Variants in ARHGAP24 observed in about 807,000 individuals in gnomAD.
The protein encoded by ARHGAP24 is rho GTPase-activating protein 24.
ARHGAP24 carries 50 observed loss-of-function variants against 76.4 expected under a neutral mutation model. The observed-to-expected ratio is 0.65, with a 90% confidence interval of 0.52 to 0.83. The LOEUF (loss-of-function observed/expected upper bound fraction) is 0.83. Ranked by LOEUF, ARHGAP24 falls within the 40% of genes least tolerant of loss-of-function variation. The pLI is 0.00. For missense variants in ARHGAP24, 930 were observed against 914.2 expected (o/e 1.02, Z -0.22); for synonymous variants, 345 against 323.3 (o/e 1.07, Z -0.72).
At chr4:85,798,693 A>T (rs1728462780) in intron 3 of ARHGAP24, among the ~76,000 whole-genome samples, 1 of 152,212 alleles carries the variant, frequency 6.6e-6, no homozygotes, top group Admixed American at 6.5e-5. Flanking sequence ...AAATTTTTGT[A>T]CTATTTTTGC....
Position 85,525,491 on chromosome 4 carries a change from A to C in ARHGAP24, c.-20-45031A>C, listed in dbSNP as rs1724951779. 1.3e-5 allele frequency among the ~76,000 whole-genome samples: 2 copies of C among 152,168 alleles called. 1 individual carries two copies. Among genetic ancestry groups the C allele is most frequent in the South Asian group, 4.1e-4 (2 of 4,830 alleles). On this transcript the variant is annotated intron_variant, in intron 1 of 9. Coordinates refer to ENST00000395184, the MANE Select transcript of ARHGAP24 (RefSeq NM_001025616.3). ...CAGTTCTGATGAGTTTTATAAAAAAAAAAAGTAAGCATGGAAAGTCACTAA... is the reference window on the plus strand; with the variant it reads ...CAGTTCTGATGAGTTTTATAAAAAACAAAAGTAAGCATGGAAAGTCACTAA...
intron 3 of ARHGAP24, among the ~76,000 whole-genome samples, chr4:85,861,275 T>C (rs959531214): frequency 2.6e-5 from 4 of 152,160 alleles, no homozygotes; most frequent in African/African-American, 9.6e-5. Flanking sequence ...ATTTACATTC[T>C]GGTGATCACC....
chr4:85,981,061 T>C (rs758528017), intron 8 of ARHGAP24, among the ~76,000 whole-genome samples: 28 of 152,204 alleles, frequency 1.8e-4, no homozygotes, highest in Non-Finnish European at 3.8e-4. Context: ...CATATTAGGG[T>C]GCAGAGACGG....
chr4:85,694,872 T>C (rs955575263), intron 2 of ARHGAP24, among the ~76,000 whole-genome samples: 3 of 152,234 alleles, frequency 2.0e-5, no homozygotes, highest in Non-Finnish European at 4.4e-5. Flanking sequence ...CGCTCTTGTC[T>C]TAAATAAAAC....
rs564276651 is a variant in ARHGAP24 at position 85,721,981 on chromosome 4, T to C, written c.268+9T>C. On this transcript the variant is annotated intron_variant, in intron 3 of 9. Coordinates refer to ENST00000395184, the MANE Select transcript of ARHGAP24 (RefSeq NM_001025616.3). The stretch of plus-strand genomic sequence containing the variant: ...TTTTGAAGTAGTTCCAGGTAAGATA[T>C]TTTCCTAGTCTGATTAAATTATTGT... The C allele has an allele frequency of 6.2e-7, 1 of 1,608,650 alleles. No homozygotes were observed. Among genetic ancestry groups the C allele is most frequent in the South Asian group, 1.1e-5 (1 of 90,948 alleles).
intron 2 of ARHGAP24, among the ~76,000 whole-genome samples, chr4:85,647,225 C>T (rs1005864896): frequency 1.3e-5 from 2 of 151,936 alleles, no homozygotes; most frequent in Admixed American, 6.6e-5. Context: ...TAGTAGACAT[C>T]GTCATAGTTG....
intron 2 of ARHGAP24, among the ~76,000 whole-genome samples, chr4:85,640,076 T>C (rs1039891907): frequency 6.6e-6 from 1 of 152,084 alleles, no homozygotes; most frequent in African/African-American, 2.4e-5. Context: ...CCCTGGAGCA[T>C]GTTTTTCAAA....
chr4:85,610,451 CAAAAAAAAAAAAAAA>C (rs57348830), intron 2 of ARHGAP24, among the ~76,000 whole-genome samples: 4 of 51,212 alleles, frequency 7.8e-5, no homozygotes, highest in Non-Finnish European at 1.3e-4. Flanking sequence ...ACTCCATCTA[CAAAAAAAAAAAAAAA>C]AAAAAAAAAA....
At position 85,656,873 on chromosome 4, in the gene ARHGAP24, G is replaced by A. The variant is rs113193282; in HGVS notation, c.181-65012G>A. ...GCTATCATATGGGTCACACTGTAGT[G>A]GCTTTACTAACAGTGTTGTTTAACT... On this transcript the variant is annotated intron_variant, in intron 2 of 9. Transcript: ENST00000395184. 8.0e-3 allele frequency among the ~76,000 whole-genome samples: 1,223 copies of A among 152,112 alleles called. 16 individuals carry two copies. The highest frequency in any genetic ancestry group is 0.028 in the African/African-American group (1,167 of 41,492).
At chr4:85,958,484 A>G (rs1009406073) in intron 5 of ARHGAP24, among the ~76,000 whole-genome samples, 7 of 152,206 alleles carry the variant, frequency 4.6e-5, no homozygotes, top group East Asian at 3.9e-4. Flanking sequence ...ACTCTTCAGT[A>G]TGTTTAATCC....
At chr4:85,860,135 G>A (rs1396448858) in intron 3 of ARHGAP24, among the ~76,000 whole-genome samples, 1 of 152,042 alleles carries the variant, frequency 6.6e-6, no homozygotes, top group Admixed American at 6.6e-5. Context: ...CACGGGAAGT[G>A]TATTAATATG....
At chr4:85,608,704 C>T (rs1311805557) in intron 2 of ARHGAP24, among the ~76,000 whole-genome samples, 1 of 151,634 alleles carries the variant, frequency 6.6e-6, no homozygotes, top group African/African-American at 2.4e-5. Flanking sequence ...ATTATAGGTG[C>T]GTGCCACCCT....
chr4:85,971,979 A>G, intron 5 of ARHGAP24, 57 bp from the exon 6 acceptor site: 1 of 1,613,182 alleles, frequency 6.2e-7, no homozygotes, highest in Non-Finnish European at 8.5e-7. Context: ...GAAAAACAAT[A>G]AATAGAATGG....
intron 3 of ARHGAP24, among the ~76,000 whole-genome samples, chr4:85,897,657 T>C (rs1336538664): frequency 1.3e-5 from 2 of 152,252 alleles, no homozygotes; most frequent in Admixed American, 6.5e-5. Flanking sequence ...ATGGCTCTCA[T>C]ATTGCTGCCT....
chr4:85,984,508 C>A (rs186257415), intron 8 of ARHGAP24, among the ~76,000 whole-genome samples: 175 of 152,240 alleles, frequency 1.1e-3, no homozygotes, highest in Admixed American at 1.9e-3. Flanking sequence ...GCTGCCATGA[C>A]CTTGTTATCT....
chr4:85,786,361 C>A (rs951642017), intron 3 of ARHGAP24, among the ~76,000 whole-genome samples: 1 of 152,166 alleles, frequency 6.6e-6, no homozygotes, highest in African/African-American at 2.4e-5. Context: ...GGAATAACAT[C>A]TTAGAAATCC....
intron 3 of ARHGAP24, among the ~76,000 whole-genome samples, chr4:85,754,177 G>C (rs994630277): frequency 2.0e-5 from 3 of 152,126 alleles, no homozygotes; most frequent in African/African-American, 7.2e-5. Flanking sequence ...GAAAACAAGT[G>C]GTATTTGTCT....
chr4:86,000,909 G>A lies in ARHGAP24; in HGVS notation c.*187G>A, dbSNP rs1329033451. On this transcript the variant is annotated 3_prime_UTR_variant, in exon 10 of 10. Coordinates refer to ENST00000395184, the MANE Select transcript of ARHGAP24 (RefSeq NM_001025616.3). ...CCAAAGTTATATCATGCCCCATAAT[G>A]CTACTGTCAAGTGTTACAACTGGAT... 2 of 830,966 alleles carry A rather than the reference G, an allele frequency of 2.4e-6. No homozygotes were observed. Among genetic ancestry groups the A allele is most frequent in the African/African-American group, 3.4e-5 (2 of 58,160 alleles). The allele number at this position is 830,966 out of a possible 1,614,324, so 51.5% of individuals were successfully genotyped here.
chr4:85,501,711 A>C (rs1311940745), intron 1 of ARHGAP24, among the ~76,000 whole-genome samples: 1 of 152,016 alleles, frequency 6.6e-6, no homozygotes, highest in African/African-American at 2.4e-5. Context: ...GCTGTGCAGA[A>C]GCTCTTTAGT....
Sources: gnomAD v4.1 joint callset for allele counts (sites outside exome capture counted in the v4.1 genomes callset) on GRCh38, gnomAD v4.1.1 for gene constraint, MANE v1.5 for transcripts, NCBI Gene and HGNC (gene_info 2026-07-23, HGNC 2026-07-21) for gene names.